ATP2C1: variants seen among roughly 807,000 people sequenced by gnomAD.
The protein encoded by ATP2C1 is calcium-transporting ATPase type 2C member 1.
Under a neutral mutation model 120.5 loss-of-function variants are expected in ATP2C1, and 31 were observed. The observed-to-expected ratio is 0.26, with a 90% CI of 0.19 to 0.35. ATP2C1 has a LOEUF of 0.35. Among genes scored for constraint, ATP2C1 ranks in the 10% least tolerant of loss-of-function variants. The pLI is 1.00. For synonymous variants in ATP2C1, 351 were observed against 358.7 expected (o/e 0.98, Z 0.24); for missense variants, 731 against 1,107.5 (o/e 0.66, Z 4.83).
At chr3:130,931,386 G>A (rs749974151) in intron 3 of ATP2C1, among the ~76,000 whole-genome samples, 6 of 152,038 alleles carry the variant, frequency 3.9e-5, no homozygotes, top group Non-Finnish European at 5.9e-5. Context: ...GAACTTCACT[G>A]CTTTTGAGTA....
intron 20 of ATP2C1, among the ~76,000 whole-genome samples, chr3:130,989,286 C>T (rs1309598388): frequency 1.4e-5 from 2 of 139,564 alleles, no homozygotes; most frequent in Admixed American, 7.4e-5. Flanking sequence ...CACAAAAAAA[C>T]GGCTGGGTGT....
At chr3:130,918,911 G>A (rs376974718) in intron 2 of ATP2C1, 2 of 323,932 alleles carry the variant, frequency 6.2e-6, no homozygotes, top group East Asian at 8.2e-5. Context: ...AGAATGGCGT[G>A]AACCCGGGAG....
Position 130,918,924 on chromosome 3 carries a change from G to A in ATP2C1, c.7-11492G>A, listed in dbSNP as rs553369309. 129 of 332,560 alleles carry A rather than the reference G, an allele frequency of 3.9e-4. 4 individuals are homozygous for A. Among genetic ancestry groups the A allele is most frequent in the South Asian group, 2.8e-3 (114 of 40,142 alleles). The allele number at this position is 332,560 out of a possible 1,614,324, so 20.6% of individuals were successfully genotyped here. A position where few individuals can be genotyped will look rare whatever the true frequency, so the allele number is the denominator to read the frequency against. ...GGAGAATGGCGTGAACCCGGGAGGC[G>A]GAGCTTACCGTGAGCCTAGATCGCG... is the stretch of plus-strand genomic sequence containing the variant. On this transcript the variant is annotated intron_variant, in intron 2 of 27. Coordinates refer to ENST00000510168, the MANE Select transcript of ATP2C1 (RefSeq NM_001378687.1).
chr3:130,997,548 AG>A lies in ATP2C1; in HGVS notation c.2244-57del, dbSNP rs2062686729. On this transcript the variant is annotated intron_variant, in intron 24 of 27. Coordinates refer to ENST00000510168, the MANE Select transcript of ATP2C1 (RefSeq NM_001378687.1). The stretch of plus-strand genomic sequence containing the variant: ...TAATTGAGGTTAGTGAGGTTGTGAA[AG>A]TAACAAATCCAGACCTTAAAACTTG... 2.9e-5 allele frequency: 45 copies of A among 1,536,380 alleles called. No homozygotes were observed. The South Asian group carries it at 5.1e-4, about 17-fold the overall frequency.
upstream of ATP2C1, among the ~76,000 whole-genome samples, chr3:130,889,143 A>G (rs1213750144): frequency 1.3e-5 from 2 of 152,202 alleles, no homozygotes; most frequent in Admixed American, 6.5e-5. Flanking sequence ...ACATGTACAC[A>G]CACTCACTCA....
chr3:130,860,143 AC>A (rs1340897228), intron 1 of ATP2C1, among the ~76,000 whole-genome samples: 33 of 152,096 alleles, frequency 2.2e-4, no homozygotes, highest in Non-Finnish European at 4.3e-4. Context: ...AAAGTGCAAA[AC>A]CCTTTTCTGT....
At chr3:130,955,192 A>T in intron 10 of ATP2C1, 112 bp downstream of exon 10, 1 of 779,674 alleles carries the variant, frequency 1.3e-6, no homozygotes, top group Non-Finnish European at 2.2e-6. Context: ...TTTATTCAGA[A>T]TGGAAATCAG....
chr3:130,954,493 C>T (rs144555957), intron 9 of ATP2C1, among the ~76,000 whole-genome samples: 16 of 152,112 alleles, frequency 1.1e-4, no homozygotes, highest in East Asian at 3.9e-4. Flanking sequence ...GTCTGCTATA[C>T]GTTTTTTTTT....
intron 12 of ATP2C1, among the ~76,000 whole-genome samples, chr3:130,961,313 A>G (rs996796756): frequency 2.0e-5 from 3 of 151,688 alleles, no homozygotes; most frequent in African/African-American, 7.3e-5. Context: ...TCTTTCTTCA[A>G]GGTCTTCCAA....
intron 20 of ATP2C1, among the ~76,000 whole-genome samples, chr3:130,989,454 A>G (rs796485481): frequency 5.3e-5 from 8 of 150,682 alleles, no homozygotes; most frequent in African/African-American, 2.0e-4. Context: ...AATCCCAGCT[A>G]CTTGGGAGGC....
chr3:131,014,998 C>A (rs1458140581), intron 26 of ATP2C1, among the ~76,000 whole-genome samples: 1 of 152,222 alleles, frequency 6.6e-6, no homozygotes, highest in Non-Finnish European at 1.5e-5. Flanking sequence ...TTTTGCATTT[C>A]CTGTTTTGTT....
intron 18 of ATP2C1, 120 bp downstream of exon 18, chr3:130,975,608 G>A: frequency 8.3e-7 from 1 of 1,205,874 alleles, no homozygotes; most frequent in South Asian, 1.3e-5. Flanking sequence ...TAGAACCCTT[G>A]CCAGTATTGA....
At chr3:130,859,204 G>A (rs1385267600) in intron 1 of ATP2C1, among the ~76,000 whole-genome samples, 1 of 152,232 alleles carries the variant, frequency 6.6e-6, no homozygotes. Flanking sequence ...GTTTTATTTG[G>A]TTAGTGGTAA....
At chr3:130,868,576 C>T (rs1256522891) in intron 1 of ATP2C1, 1 of 68,234 alleles carries the variant, frequency 1.5e-5, no homozygotes, top group Non-Finnish European at 3.1e-5. Flanking sequence ...CCTGGCCAGC[C>T]GCCCCGTCCG....
chr3:130,870,292 T>G (rs1313883929), intron 1 of ATP2C1, among the ~76,000 whole-genome samples: 1 of 152,196 alleles, frequency 6.6e-6, no homozygotes, highest in Non-Finnish European at 1.5e-5. Context: ...TGTTCTGCAG[T>G]CCATGGATCA....
intron 10 of ATP2C1, chr3:130,955,889 T>G: frequency 2.1e-6 from 1 of 474,184 alleles, no homozygotes; most frequent in South Asian, 2.3e-5. Context: ...AACAGGTTTT[T>G]AAAAATAGAG....
At chr3:130,893,829 A>T, upstream of ATP2C1, 1 of 666,702 alleles carries the variant, frequency 1.5e-6, no homozygotes, top group Non-Finnish European at 1.9e-6. Context: ...GCCAGCAAGA[A>T]CAAGGCGGGC....
chr3:130,925,664 A>G (rs2059169705), intron 2 of ATP2C1, among the ~76,000 whole-genome samples: 1 of 152,116 alleles, frequency 6.6e-6, no homozygotes, highest in Non-Finnish European at 1.5e-5. Context: ...TCAGGCAGTG[A>G]GCAGGCCCAT....
Position 130,969,351 on chromosome 3 carries a change from T to A in ATP2C1, c.1368T>A (p.Ser456=). The change falls in exon 17 of 28, where the codon TCT becomes TCA. Residue 456 remains serine (S), a synonymous_variant. Transcript: ENST00000510168. ...GAAAAGCTGAATACCCTTTTAGCTC[T>A]GAGCAAAAGTGGATGGCTGTTAAGT... ...YIRKAEYPFS[S]EQKWMAVKCV... 6.2e-7 allele frequency: 1 copy of A among 1,614,016 alleles called. No homozygotes were observed. The highest frequency in any genetic ancestry group is 1.3e-5 in the African/African-American group (1 of 75,054).
Sources: allele counts gnomAD v4.1 joint callset (sites outside exome capture counted in the v4.1 genomes callset), GRCh38; gene constraint gnomAD v4.1.1; transcripts MANE v1.5; gene names NCBI Gene and HGNC (gene_info 2026-07-23, HGNC 2026-07-21).